The following ZC3H12B variants were observed in gnomAD, a reference collection of about 807,000 sequenced individuals.
ZC3H12B encodes the protein zinc finger CCCH-type containing 12B.
A neutral mutation model predicts 43.9 loss-of-function variants in ZC3H12B; 7 were observed. That is an observed-to-expected ratio of 0.16 (90% CI 0.09 to 0.30). ZC3H12B has a LOEUF of 0.30. Among genes scored for constraint, ZC3H12B ranks in the 10% least tolerant of loss-of-function variants. The probability of loss-of-function intolerance (pLI) is 1.00; values close to 1 mark genes in which losing one functional copy is unlikely to be tolerated. For missense variants in ZC3H12B, 475 were observed against 670.2 expected, an observed-to-expected ratio of 0.71 and a Z score of 3.22; for synonymous variants, 222 against 241.7, an observed-to-expected ratio of 0.92 and a Z score of 0.76.
At chrX:65,073,104 G>T in the ZC3H12B span, among the ~76,000 whole-genome samples, 1 of 112,322 alleles carries the variant, frequency 8.9e-6, no homozygotes, top group East Asian at 2.8e-4. Flanking sequence ...TGCCTGCAAA[G>T]ATTCTGACTG....
chrX:65,107,618 C>A, the ZC3H12B span, among the ~76,000 whole-genome samples: 4 of 111,104 alleles, frequency 3.6e-5, no homozygotes, highest in African/African-American at 1.3e-4. Context: ...GGGATGGACC[C>A]GGTGGAAGGT....
At chrX:65,406,006 T>A (rs755748316) in intron 3 of ZC3H12B, among the ~76,000 whole-genome samples, 4 of 111,528 alleles carry the variant, frequency 3.6e-5, no homozygotes, top group Non-Finnish European at 7.5e-5. Flanking sequence ...TATTAAGAAG[T>A]CTCTTAGTAA....
chrX:65,364,163 C>A (rs895399439), upstream of ZC3H12B, among the ~76,000 whole-genome samples: 1 of 110,975 alleles, frequency 9.0e-6, no homozygotes, highest in African/African-American at 3.3e-5. Context: ...TATTCGAAAT[C>A]TATCATTGAG....
At chrX:65,349,649 T>G in the ZC3H12B span, among the ~76,000 whole-genome samples, 14 of 110,669 alleles carry the variant, frequency 1.3e-4, no homozygotes, top group African/African-American at 4.6e-4. Context: ...ATCAAATAGA[T>G]CCAATAAAAA....
chrX:65,098,695 C>G, the ZC3H12B span, among the ~76,000 whole-genome samples: 1 of 110,767 alleles, frequency 9.0e-6, no homozygotes, highest in Admixed American at 9.6e-5. Context: ...ACTGTGCTAT[C>G]TGGCCCAGAT....
At chrX:65,117,495 C>T in the ZC3H12B span, among the ~76,000 whole-genome samples, 1 of 111,653 alleles carries the variant, frequency 9.0e-6, no homozygotes, top group South Asian at 3.7e-4. Flanking sequence ...TAAAAATTTT[C>T]TCCCATTCTG....
At chrX:65,076,513 T>G in the ZC3H12B span, among the ~76,000 whole-genome samples, 1 of 111,910 alleles carries the variant, frequency 8.9e-6, no homozygotes, top group Non-Finnish European at 1.9e-5. Context: ...ACTGGGATTC[T>G]GATGATAACA....
the ZC3H12B span, among the ~76,000 whole-genome samples, chrX:65,244,334 G>GA: frequency 3.6e-5 from 4 of 111,112 alleles, no homozygotes; most frequent in African/African-American, 1.3e-4. Context: ...TAATGATAAT[G>GA]AAAAAATATC....
chrX:65,089,642 A>G, the ZC3H12B span, among the ~76,000 whole-genome samples: 1 of 112,449 alleles, frequency 8.9e-6, no homozygotes. Flanking sequence ...TACTTTATAA[A>G]CTTTTAATTT....
the ZC3H12B span, among the ~76,000 whole-genome samples, chrX:65,216,544 G>A: frequency 4.5e-5 from 5 of 111,624 alleles, no homozygotes; most frequent in South Asian, 1.9e-3. Context: ...TCAGGCTACA[G>A]AGAATGTTGT....
At chrX:65,154,982 G>A in the ZC3H12B span, among the ~76,000 whole-genome samples, 13 of 70,348 alleles carry the variant, frequency 1.8e-4, no homozygotes, top group Admixed American at 1.3e-3. Context: ...TTTTTTTTTT[G>A]ACTGTGTCTT....
the ZC3H12B span, among the ~76,000 whole-genome samples, chrX:65,081,624 G>A: frequency 5.4e-5 from 6 of 111,558 alleles, no homozygotes; most frequent in African/African-American, 1.6e-4. Context: ...GAGCATCCAG[G>A]TATATAAAGC....
chrX:65,486,363 G>A (rs139601040), upstream of ZC3H12B, among the ~76,000 whole-genome samples: 3,173 of 112,162 alleles, frequency 0.028, 45 homozygotes, highest in Non-Finnish European at 0.042. Flanking sequence ...TTGAGGACAG[G>A]CTTAGTTCTG....
At position 65,499,013 on chromosome X, in the gene ZC3H12B, C is replaced by T. The variant is rs758096863; in HGVS notation, c.763C>T (p.Arg255Ter). The T allele has an allele frequency of 8.3e-7, 1 of 1,206,553 alleles. No homozygotes were observed. Among genetic ancestry groups the T allele is most frequent in the East Asian group, 3.0e-5 (1 of 33,843 alleles). ...TATTTTGACAGATCAAGATATTCTA[C>T]GAAAACTGGAGAAGGAAAAGATTCT... Residue 255 changes from arginine (R) to a stop codon, truncating the protein, a stop_gained, in exon 3 of 5, where the codon CGA becomes TGA. Transcript: ENST00000338957. LOFTEE classifies it high-confidence loss of function.
the ZC3H12B span, among the ~76,000 whole-genome samples, chrX:65,196,346 G>T: frequency 9.0e-6 from 1 of 111,222 alleles, no homozygotes; most frequent in African/African-American, 3.3e-5. Context: ...AAGGAACTGC[G>T]GGGTCAAGTC....
chrX:65,444,573 T>C (rs962140498), intron 3 of ZC3H12B, among the ~76,000 whole-genome samples: 3 of 112,302 alleles, frequency 2.7e-5, no homozygotes, highest in Non-Finnish European at 5.6e-5. Flanking sequence ...CTTTTGTAAA[T>C]TGCCCAGTCT....
the ZC3H12B span, among the ~76,000 whole-genome samples, chrX:65,337,211 C>T: frequency 3.6e-5 from 4 of 111,671 alleles, no homozygotes; most frequent in African/African-American, 1.3e-4. Flanking sequence ...GTGCTGCAGT[C>T]TATTTCCTTT....
At chrX:65,115,312 T>C in the ZC3H12B span, among the ~76,000 whole-genome samples, 1 of 110,843 alleles carries the variant, frequency 9.0e-6, no homozygotes, top group Non-Finnish European at 1.9e-5. Flanking sequence ...TATTTGGTTT[T>C]CCATTCCTGA....
the ZC3H12B span, among the ~76,000 whole-genome samples, chrX:65,055,536 T>C: frequency 8.9e-6 from 1 of 111,744 alleles, no homozygotes; most frequent in African/African-American, 3.3e-5. Context: ...AGAATATTGG[T>C]CTAAAATTCT....
Sources: allele counts gnomAD v4.1 joint callset (sites outside exome capture counted in the v4.1 genomes callset), GRCh38; gene constraint gnomAD v4.1.1; transcripts MANE v1.5; gene names NCBI Gene and HGNC (gene_info 2026-07-23, HGNC 2026-07-21).